The following MAB21L4 variants were observed in gnomAD, a reference collection of about 807,000 sequenced individuals.
The protein encoded by MAB21L4 is mab-21 like 4.
Under a neutral mutation model 32.4 loss-of-function variants are expected in MAB21L4, and 25 were observed. The ratio of observed to expected loss-of-function variants is 0.77; its 90% CI spans 0.56 to 1.08. The LOEUF (loss-of-function observed/expected upper bound fraction) is 1.08. Ranked by LOEUF, MAB21L4 falls within the 50% of genes least tolerant of loss-of-function variation. The probability of loss-of-function intolerance (pLI) is 0.00; values close to 1 mark genes in which losing one functional copy is unlikely to be tolerated. For missense variants in MAB21L4, 638 were observed against 611.0 expected, an observed-to-expected ratio of 1.04 and a Z score of -0.47; for synonymous variants, 280 against 276.8, an observed-to-expected ratio of 1.01 and a Z score of -0.11.
chr2:240,895,773 A>G lies in MAB21L4; in HGVS notation c.225T>C (p.Ser75=), dbSNP rs1444393328. The G allele has an allele frequency of 1.9e-6, 3 of 1,611,250 alleles. No individual in the cohort carries two copies. In the East Asian group the frequency reaches 6.7e-5, roughly 36 times the overall value. Residue 75 remains serine, a synonymous_variant, in exon 1 of 5, where the codon TCT becomes TCC. Transcript: ENST00000388934. ...GCACCTCCATGTCCATTGGGTCCTCAGAGGAGCGCAGGGCGAACTGGAAGG... is the reference window on the plus strand; with the variant it reads ...GCACCTCCATGTCCATTGGGTCCTCGGAGGAGCGCAGGGCGAACTGGAAGG... ...LEAFQFALRS[S]EDPMDMEVPL...
upstream of MAB21L4, among the ~76,000 whole-genome samples, chr2:240,896,470 C>T (rs560062103): frequency 3.0e-4 from 46 of 152,272 alleles, no homozygotes; most frequent in South Asian, 9.3e-3. Context: ...CTGGATCAGG[C>T]CCCCCTGCCC....
chr2:240,888,591 G>C lies in MAB21L4; in HGVS notation c.952C>G (p.Gln318Glu), dbSNP rs1267907611. 2 of 1,606,170 alleles carry C rather than the reference G, an allele frequency of 1.2e-6. No homozygotes were observed. Among genetic ancestry groups the C allele is most frequent in the African/African-American group, 1.3e-5 (1 of 74,670 alleles). ...FLAPEDWAEL[Q>E]GAVYRLLVVL... ...ACCAGCAGGCGGTACACGGCGCCCTGCAGTTCTGCCCAGTCCTCGGGCGCC... is the reference window on the plus strand; with the variant it reads ...ACCAGCAGGCGGTACACGGCGCCCTCCAGTTCTGCCCAGTCCTCGGGCGCC... The change falls in exon 4 of 5, where the codon CAG becomes GAG. Residue 318 changes from glutamine to glutamate, a missense_variant. By Grantham distance (29) the Gln-to-Glu change is conservative. Transcript: ENST00000388934.
At chr2:240,889,544 C>G (rs1295116446) in intron 3 of MAB21L4, among the ~76,000 whole-genome samples, 1 of 152,214 alleles carries the variant, frequency 6.6e-6, no homozygotes, top group Non-Finnish European at 1.5e-5. Flanking sequence ...TTACAAAGCC[C>G]CAGAAGGACA....
intron 3 of MAB21L4, 131 bp downstream of exon 3, chr2:240,889,874 G>T: frequency 8.9e-7 from 1 of 1,129,470 alleles, no homozygotes; most frequent in East Asian, 2.6e-5. Flanking sequence ...CAGGCCCTCA[G>T]AATCCCCCCA....
chr2:240,892,991 A>G (rs1257950744), intron 1 of MAB21L4, among the ~76,000 whole-genome samples: 1 of 152,094 alleles, frequency 6.6e-6, no homozygotes, highest in Non-Finnish European at 1.5e-5. Flanking sequence ...TGAAGAGGTG[A>G]GGTGTCACTC....
At chr2:240,889,964 G>A (rs757318246) in intron 3 of MAB21L4, 41 bp downstream of exon 3, 10 of 1,577,282 alleles carry the variant, frequency 6.3e-6, no homozygotes, top group Non-Finnish European at 8.7e-6. Flanking sequence ...CTACCCCTGG[G>A]CCCTGGTGAC....
At chr2:240,892,166 A>G in intron 1 of MAB21L4, 1 of 835,212 alleles carries the variant, frequency 1.2e-6, no homozygotes, top group Non-Finnish European at 1.7e-6. Context: ...CCTGGGGCCA[A>G]AGTCCCAGCC....
chr2:240,889,170 A>G (rs746777433), intron 3 of MAB21L4, among the ~76,000 whole-genome samples: 11 of 152,072 alleles, frequency 7.2e-5, no homozygotes, highest in Non-Finnish European at 1.2e-4. Context: ...CCTGTCTCAC[A>G]GCGGCTTTTC....
rs770996398 is a variant in MAB21L4 at position 240,890,102 on chromosome 2, C to A, written c.797G>T (p.Gly266Val). The stretch of plus-strand genomic sequence containing the variant: ...GATGGAGAGGCTGTCCAGGCGATGA[C>A]CCTGCAGGGAGCCCAGCTCCCCCAG... The part of the protein sequence containing the change: ...RLLGELGSLQ[G>V]HRLDSLSILD... The change falls in exon 3 of 5, where the codon GGT becomes GTT. Residue 266 changes from glycine to valine, a missense_variant. Coordinates refer to ENST00000388934, the MANE Select transcript of MAB21L4 (RefSeq NM_001085437.3). 5.6e-6 allele frequency: 9 copies of A among 1,612,752 alleles called. No homozygotes were observed. The East Asian group carries it at 6.7e-5, about 12-fold the overall frequency.
At chr2:240,891,861 A>G (rs748714336) in intron 1 of MAB21L4, 98 bp from the exon 2 acceptor site, 38 of 1,583,014 alleles carry the variant, frequency 2.4e-5, no homozygotes, top group Middle Eastern at 3.3e-4. Context: ...CCTGCCCCTC[A>G]TCACCTCTCA....
In MAB21L4 at chr2:240,888,387, G is replaced by T. The variant is rs781302910; in HGVS notation, c.1156C>A (p.Pro386Thr). The change falls in exon 4 of 5, where the codon CCG becomes ACG. Residue 386 changes from proline (P) to threonine (T), a missense_variant. Transcript: ENST00000388934. ...HATHLGRSPP[P>T]RIGSGLKALL... Reference sequence around the variant, plus strand: ...GCCTTGAGCCCGGAGCCGATGCGCGGCGGGGGGCTGCGGCCCAGGTGGGTG... The same window carrying T: ...GCCTTGAGCCCGGAGCCGATGCGCGTCGGGGGGCTGCGGCCCAGGTGGGTG... 2 of 1,556,388 alleles carry T rather than the reference G, an allele frequency of 1.3e-6. No homozygotes were observed. Among genetic ancestry groups the T allele is most frequent in the Non-Finnish European group, 1.7e-6 (2 of 1,154,260 alleles).
chr2:240,892,472 A>C (rs1216923564), intron 1 of MAB21L4, among the ~76,000 whole-genome samples: 4 of 152,022 alleles, frequency 2.6e-5, no homozygotes, highest in African/African-American at 9.7e-5. Flanking sequence ...TGATGGGGGC[A>C]GCTGGGGAGA....
chr2:240,891,812 A>G (rs1447174225), intron 1 of MAB21L4, 49 bp from the exon 2 acceptor site: 1 of 1,603,256 alleles, frequency 6.2e-7, no homozygotes, highest in East Asian at 2.2e-5. Context: ...TCACCTGCCC[A>G]GGACACTCCA....
intron 4 of MAB21L4, among the ~76,000 whole-genome samples, chr2:240,887,689 T>A (rs562490737): frequency 1.3e-5 from 2 of 152,302 alleles, no homozygotes; most frequent in East Asian, 1.9e-4. Context: ...AACCCCTGTT[T>A]GTGCCCTGGA....
Position 240,887,049 on chromosome 2 carries a change from G to A in MAB21L4, c.*21C>T, listed in dbSNP as rs774642009. 6 of 1,596,522 alleles carry A rather than the reference G, an allele frequency of 3.8e-6. No individual in the cohort carries two copies. The African/African-American group carries it at 5.4e-5, about 14-fold the overall frequency. On this transcript the variant is annotated 3_prime_UTR_variant, in exon 5 of 5. Transcript: ENST00000388934. ...TCTGTTGGGGAGCCAAGAACAGGTG[G>A]CTGAGACCAGGTGGCCCAGCTCAGC...
intron 2 of MAB21L4, among the ~76,000 whole-genome samples, chr2:240,890,364 G>A (rs2106438724): frequency 6.6e-6 from 1 of 152,312 alleles, no homozygotes; most frequent in Non-Finnish European, 1.5e-5. Context: ...AGACTCCCTG[G>A]CCCTGAATAC....
At chr2:240,893,313 C>A (rs1426457107) in intron 1 of MAB21L4, among the ~76,000 whole-genome samples, 1 of 152,220 alleles carries the variant, frequency 6.6e-6, no homozygotes, top group Non-Finnish European at 1.5e-5. Context: ...CTGGGGACGC[C>A]TCTGGGGCCC....
At position 240,895,637 on chromosome 2, in the gene MAB21L4, C is replaced by T; in HGVS notation, c.361G>A (p.Glu121Lys). 1 of 1,612,898 alleles carries T rather than the reference C, an allele frequency of 6.2e-7. No individual in the cohort carries two copies. Among genetic ancestry groups the T allele is most frequent in the African/African-American group, 1.3e-5 (1 of 75,036 alleles). The change falls in exon 1 of 5, where the codon GAG (glutamate) becomes AAG (lysine). Residue 121 changes from glutamate to lysine, a missense_variant. Physicochemically the swap from Glu to Lys is moderately conservative, Grantham distance 56. Transcript: ENST00000388934. ...LGVPREGAGLERWTTEDTFTA... is the reference protein window; with the variant it reads ...LGVPREGAGLKRWTTEDTFTA... ...AAGGTATCCTCGGTGGTCCACCGCT[C>T]CAGGCCAGCCCCTTCCCTGGGCACA...
Position 240,895,737 on chromosome 2 carries a change from C to T in MAB21L4, c.261G>A (p.Val87=), listed in dbSNP as rs556004457. The T allele has an allele frequency of 1.9e-5, 30 of 1,612,938 alleles. No homozygotes were observed. The highest frequency in any genetic ancestry group is 3.3e-5 in the Admixed American group (2 of 60,034). Residue 87 remains valine (V), a synonymous_variant, in exon 1 of 5, where the codon GTG becomes GTA. Transcript: ENST00000388934. ...DPMDMEVPLW[V]DAEALLIEEP... is the part of the protein sequence containing the mutation. Reference sequence around the variant, plus strand: ...CCTCAATCAGTAGAGCCTCGGCATCCACCCACAGGGGCACCTCCATGTCCA... The same window carrying T: ...CCTCAATCAGTAGAGCCTCGGCATCTACCCACAGGGGCACCTCCATGTCCA...
Sources: allele counts gnomAD v4.1 joint callset (sites outside exome capture counted in the v4.1 genomes callset), GRCh38; gene constraint gnomAD v4.1.1; transcripts MANE v1.5; gene names NCBI Gene and HGNC (gene_info 2026-07-23, HGNC 2026-07-21).